Variants in STAT4 observed in about 807,000 individuals in gnomAD.
The protein encoded by STAT4 is signal transducer and activator of transcription 4.
Under a neutral mutation model 110.5 loss-of-function variants are expected in STAT4, and 42 were observed. That is an observed-to-expected ratio of 0.38 (90% CI 0.30 to 0.49). The LOEUF (loss-of-function observed/expected upper bound fraction) is 0.49. Among genes scored for constraint, STAT4 ranks in the 20% least tolerant of loss-of-function variants. STAT4 has a pLI of 0.95. For synonymous variants in STAT4, 284 were observed against 302.2 expected, an observed-to-expected ratio of 0.94 and a Z score of 0.63; for missense variants, 632 against 887.9, an observed-to-expected ratio of 0.71 and a Z score of 3.66.
rs578146840 is a variant in STAT4, at chr2:191,094,339, G to C, written c.274-18014C>G. On this transcript the variant is annotated intron_variant, in intron 3 of 23. Coordinates refer to ENST00000392320, the MANE Select transcript of STAT4 (RefSeq NM_003151.4). ...ATAAATTGTTAAGGGCAGCCAGAGA[G>C]AAAGGTTGGGTTACCCACAAAGGGA... Among the ~76,000 whole-genome samples, 3 of 152,296 alleles carry C rather than the reference G, an allele frequency of 2.0e-5. No homozygotes were observed. In the South Asian group the frequency reaches 6.2e-4, roughly 32 times the overall value.
rs902150065 is a variant in STAT4 at position 191,147,066 on chromosome 2, G to T, written c.129-309C>A. Among the ~76,000 whole-genome samples the T allele has an allele frequency of 2.6e-5, 4 of 152,034 alleles. No individual in the cohort carries two copies. The highest frequency in any genetic ancestry group is 7.2e-5 in the African/African-American group (3 of 41,390). Reference sequence around the variant, plus strand: ...TGCAATGCTGGTGGGAAGGTAAAATGGTCAATCACTGTGGAAAACTATATG... The same window carrying T: ...TGCAATGCTGGTGGGAAGGTAAAATTGTCAATCACTGTGGAAAACTATATG... On this transcript the variant is annotated intron_variant, in intron 2 of 23. Coordinates refer to ENST00000392320, the MANE Select transcript of STAT4 (RefSeq NM_003151.4). This position sits in a 1 kb window ranked among gnomAD's most constrained non-coding sequence, Gnocchi z 4.1.
In STAT4 at chr2:191,060,824, T is replaced by C. The variant is rs1416024742; in HGVS notation, c.1034+905A>G. ...AACTGATTAAGAAGTTAATGGTGTC[T>C]TAAAAATGCAAACCGAAGACAAATG... On this transcript the variant is annotated intron_variant, in intron 10 of 23. Coordinates refer to ENST00000392320, the MANE Select transcript of STAT4 (RefSeq NM_003151.4). The surrounding 1 kb of genome is among the most constrained non-coding windows in gnomAD (Gnocchi z 4.5). Among the ~76,000 whole-genome samples, 1 of 152,190 alleles carries C rather than the reference T, an allele frequency of 6.6e-6. No homozygotes were observed. The highest frequency in any genetic ancestry group is 1.5e-5 in the Non-Finnish European group (1 of 68,026).
intron 13 of STAT4, among the ~76,000 whole-genome samples, chr2:191,057,581 C>CTTTTTTT (rs56816363): frequency 8.2e-6 from 1 of 121,328 alleles, no homozygotes. Context: ...AATTTCTTTT[C>CTTTTTTT]TTTTTTTTTT....
At chr2:191,067,489 G>A (rs1350518341) in intron 6 of STAT4, among the ~76,000 whole-genome samples, 6 of 152,084 alleles carry the variant, frequency 3.9e-5, no homozygotes, top group South Asian at 4.1e-4. Context: ...CCCAAACTTC[G>A]TCCCAAACCG....
chr2:191,103,438 T>G (rs1459789227), intron 3 of STAT4, among the ~76,000 whole-genome samples: 2 of 152,166 alleles, frequency 1.3e-5, no homozygotes, highest in Non-Finnish European at 2.9e-5. Flanking sequence ...GAAGAAATTT[T>G]TATATCCAAT....
intron 3 of STAT4, among the ~76,000 whole-genome samples, chr2:191,126,926 C>A (rs1427539990): frequency 6.6e-6 from 1 of 152,104 alleles, no homozygotes; most frequent in African/African-American, 2.4e-5. Context: ...TTCAAGTCAG[C>A]CTCCCACCTC....
chr2:191,114,184 A>C (rs1698503568), intron 3 of STAT4, among the ~76,000 whole-genome samples: 1 of 152,222 alleles, frequency 6.6e-6, no homozygotes, highest in Non-Finnish European at 1.5e-5. Flanking sequence ...TATAGTATTC[A>C]ATACTCAACT....
At chr2:191,087,708 T>C (rs529900923) in intron 3 of STAT4, among the ~76,000 whole-genome samples, 5 of 152,282 alleles carry the variant, frequency 3.3e-5, no homozygotes, top group African/African-American at 1.2e-4. Context: ...CTACCTAATC[T>C]TTCCTCACCA....
upstream of STAT4, chr2:191,151,277 T>G: frequency 1.0e-6 from 1 of 985,644 alleles, no homozygotes; most frequent in African/African-American, 1.7e-5. The surrounding 1 kb of genome is among the most constrained non-coding windows in gnomAD (Gnocchi z 4.7). Context: ...GGGCGGGGCA[T>G]ACATTTTCTT....
At position 191,112,224 on chromosome 2, in the gene STAT4, A is replaced by C. The variant is rs1387429980; in HGVS notation, c.273+34389T>G. Reference sequence around the variant, plus strand: ...AAGACAAAATTTGGAGAAATTACCTACATGTATGTAACATTTGGGGTGTAG... The same window carrying C: ...AAGACAAAATTTGGAGAAATTACCTCCATGTATGTAACATTTGGGGTGTAG... On this transcript the variant is annotated intron_variant, in intron 3 of 23. Transcript: ENST00000392320. This position sits in a 1 kb window ranked among gnomAD's most constrained non-coding sequence, Gnocchi z 4.3. 1.3e-5 allele frequency among the ~76,000 whole-genome samples: 2 copies of C among 152,250 alleles called. No homozygotes were observed. The highest frequency in any genetic ancestry group is 2.9e-5 in the Non-Finnish European group (2 of 68,044).
rs539026404 is a variant in STAT4 at position 191,042,265 on chromosome 2, A to G, written c.1252-1117T>C. On this transcript the variant is annotated intron_variant, in intron 14 of 23. Transcript: ENST00000392320. The surrounding 1 kb of genome is among the most constrained non-coding windows in gnomAD (Gnocchi z 4.2). ...CTAATGATCATCAGGCATTTGACAA[A>G]GACTTTCACATGAAATAAGAATGCA... Among the ~76,000 whole-genome samples the G allele has an allele frequency of 4.7e-4, 72 of 152,334 alleles. No homozygotes were observed. The highest frequency in any genetic ancestry group is 2.1e-3 in the South Asian group (10 of 4,828).
intron 3 of STAT4, among the ~76,000 whole-genome samples, chr2:191,139,597 G>C (rs1464930785): frequency 6.6e-6 from 1 of 152,066 alleles, no homozygotes; most frequent in African/African-American, 2.4e-5. Context: ...CTGAAAGAAA[G>C]CATATATAAC....
chr2:191,149,861 G>A (rs1333834566), intron 1 of STAT4, among the ~76,000 whole-genome samples: 1 of 152,162 alleles, frequency 6.6e-6, no homozygotes, highest in Non-Finnish European at 1.5e-5. Context: ...CCCCCGCTAT[G>A]ATTTGGATGA....
At chr2:191,105,539 A>T (rs1178416115) in intron 3 of STAT4, among the ~76,000 whole-genome samples, 1 of 152,234 alleles carries the variant, frequency 6.6e-6, no homozygotes, top group African/African-American at 2.4e-5. Context: ...TCAGAGTACT[A>T]AAATCCATAT....
intron 14 of STAT4, among the ~76,000 whole-genome samples, chr2:191,047,428 T>C (rs969630278): frequency 4.6e-5 from 7 of 152,128 alleles, no homozygotes; most frequent in African/African-American, 1.7e-4. Flanking sequence ...GGCATCTGAA[T>C]TGGGGGCAGA....
chr2:191,040,703 A>C (rs192966443), intron 15 of STAT4, among the ~76,000 whole-genome samples: 44 of 152,252 alleles, frequency 2.9e-4, no homozygotes, highest in Admixed American at 2.9e-3. Flanking sequence ...CTGGGACTAC[A>C]GGCACATGCC....
In STAT4 at chr2:191,034,080, T is replaced by A. The variant is rs3024893; in HGVS notation, c.1621-75A>T. ...GTTGATATAATAATTTAAGTTCAAT[T>A]TTTCACCAAAATATTATCTTTAAAC... On this transcript the variant is annotated intron_variant, in intron 18 of 23. Coordinates refer to ENST00000392320, the MANE Select transcript of STAT4 (RefSeq NM_003151.4). 999 of 1,037,968 alleles carry A rather than the reference T, an allele frequency of 9.6e-4. 6 individuals are homozygous for A. The African/African-American group carries it at 0.015, about 15-fold the overall frequency. 64.3% of individuals were successfully genotyped at this position (1,037,968 alleles called of 1,614,324 possible).
rs1165371318 is a variant in STAT4, at chr2:191,031,413, T to A, written c.2111+37A>T. On this transcript the variant is annotated intron_variant, in intron 22 of 23. Transcript: ENST00000392320. This position sits in a 1 kb window ranked among gnomAD's most constrained non-coding sequence, Gnocchi z 4.8. ...TTTAAATCTCCTATAGGAAAGCTTTTTATAAAAATATTTCACATGTGACTA... is the reference window on the plus strand; with the variant it reads ...TTTAAATCTCCTATAGGAAAGCTTTATATAAAAATATTTCACATGTGACTA... The A allele has an allele frequency of 6.3e-7, 1 of 1,597,432 alleles. No homozygotes were observed. The highest frequency in any genetic ancestry group is 1.3e-5 in the African/African-American group (1 of 74,184).
rs1696255345 is a variant in STAT4 at position 191,043,150 on chromosome 2, T to C, written c.1252-2002A>G. 6.6e-6 allele frequency among the ~76,000 whole-genome samples: 1 copy of C among 152,008 alleles called. No individual in the cohort carries two copies. Among genetic ancestry groups the C allele is most frequent in the Admixed American group, 6.6e-5 (1 of 15,256 alleles). On this transcript the variant is annotated intron_variant, in intron 14 of 23. Transcript: ENST00000392320. This position sits in a 1 kb window ranked among gnomAD's most constrained non-coding sequence, Gnocchi z 4.8. The stretch of plus-strand genomic sequence containing the variant: ...TTTTAAAAACTATATAAAACAAAGA[T>C]TACATCAGTGTAACAAGAATAGAAT...
Sources: gnomAD v4.1 joint callset for allele counts (sites outside exome capture counted in the v4.1 genomes callset) on GRCh38, gnomAD v4.1.1 for gene constraint, Gnocchi (gnomAD v3.1) non-coding constraint, MANE v1.5 for transcripts, NCBI Gene and HGNC (gene_info 2026-07-23, HGNC 2026-07-21) for gene names.